ANK2: variants seen among roughly 807,000 people sequenced by gnomAD.
ANK2 encodes ankyrin 2.
In ANK2, 83 loss-of-function variants were observed where a neutral mutation model predicts 360.5. The ratio of observed to expected loss-of-function variants is 0.23; its 90% CI spans 0.19 to 0.28. The LOEUF is 0.28. Ranked by LOEUF, ANK2 falls within the 10% of genes least tolerant of loss-of-function variation. The probability of loss-of-function intolerance (pLI) is 1.00; values close to 1 mark genes in which losing one functional copy is unlikely to be tolerated. For missense variants in ANK2, 4,201 were observed against 4,795.7 expected, an observed-to-expected ratio of 0.88 and a Z score of 3.66; for synonymous variants, 1,740 against 1,759.5, an observed-to-expected ratio of 0.99 and a Z score of 0.28.
intron 1 of ANK2, among the ~76,000 whole-genome samples, chr4:113,165,584 T>C (rs889275076): frequency 2.0e-5 from 3 of 152,184 alleles, no homozygotes; most frequent in Admixed American, 6.5e-5. Context: ...GGAATTCAAC[T>C]ATGATGTTTT....
the ANK2 span, among the ~76,000 whole-genome samples, chr4:112,770,678 C>A: frequency 1.3e-5 from 2 of 149,702 alleles, no homozygotes; most frequent in Non-Finnish European, 2.9e-5. Context: ...TGTACTCCAG[C>A]CTGGGTGACA....
intron 14 of ANK2, among the ~76,000 whole-genome samples, chr4:113,265,219 G>C (rs887443210): frequency 6.6e-5 from 10 of 152,070 alleles, no homozygotes; most frequent in African/African-American, 2.2e-4. Context: ...TTGAAAAAAT[G>C]TAAAACTTAT....
chr4:113,234,422 C>CT (rs954687761), intron 5 of ANK2, among the ~76,000 whole-genome samples: 14 of 152,128 alleles, frequency 9.2e-5, no homozygotes, highest in Non-Finnish European at 1.9e-4. Context: ...ATTAAAATTA[C>CT]TTTTTTCCGA....
chr4:113,094,976 G>A (rs2090364478), intron 1 of ANK2, among the ~76,000 whole-genome samples: 1 of 152,186 alleles, frequency 6.6e-6, no homozygotes, highest in Non-Finnish European at 1.5e-5. Flanking sequence ...TTGAAGAATA[G>A]CATCACTGGG....
In ANK2 at chr4:113,052,418, A is replaced by G. The variant is rs548091704; in HGVS notation, c.84+2606A>G. Among the ~76,000 whole-genome samples the G allele has an allele frequency of 3.2e-4, 49 of 152,252 alleles. 1 individual carries two copies. The South Asian group carries it at 9.8e-3, about 30-fold the overall frequency. ...GGGTGTGGATCTATCCTACTGAATC[A>G]TATTCCTTGAAATCATGCGTCTATC... On this transcript the variant is annotated intron_variant, in intron 1 of 45. Transcript: ENST00000357077.
In ANK2 at chr4:113,200,691, G is replaced by A. The variant is rs577413283; in HGVS notation, c.384+1582G>A. 1.7e-4 allele frequency among the ~76,000 whole-genome samples: 26 copies of A among 152,280 alleles called. No individual in the cohort carries two copies. In the South Asian group the frequency reaches 5.4e-3, roughly 32 times the overall value. ...TTTTATAGCTGCCTAGCATTCCATG[G>A]TGTATATGTACCACATTTTCTTTAT... On this transcript the variant is annotated intron_variant, in intron 4 of 45. Coordinates refer to ENST00000357077, the MANE Select transcript of ANK2 (RefSeq NM_001148.6).
intron 1 of ANK2, among the ~76,000 whole-genome samples, chr4:112,881,468 G>A (rs1230183004): frequency 1.3e-5 from 2 of 152,172 alleles, no homozygotes; most frequent in Non-Finnish European, 2.9e-5. Context: ...ATTGTATACT[G>A]TTGTTTAGCT....
the ANK2 span, among the ~76,000 whole-genome samples, chr4:112,776,919 C>T: frequency 6.6e-6 from 1 of 152,164 alleles, no homozygotes; most frequent in African/African-American, 2.4e-5. Flanking sequence ...ACAACCCTCT[C>T]TATTAACTGA....
intron 2 of ANK2, among the ~76,000 whole-genome samples, chr4:112,995,255 G>A (rs2048152158): frequency 6.6e-6 from 1 of 152,084 alleles, no homozygotes; most frequent in Non-Finnish European, 1.5e-5. Flanking sequence ...CCTTTTCTCT[G>A]TAGTCTTGCC....
At chr4:113,113,419 T>C (rs1232349335) in intron 1 of ANK2, among the ~76,000 whole-genome samples, 1 of 152,150 alleles carries the variant, frequency 6.6e-6, no homozygotes, top group Non-Finnish European at 1.5e-5. Flanking sequence ...CTGCAGAGGA[T>C]TTTCTTTGGA....
chr4:113,277,517 G>A (rs201305027), intron 15 of ANK2, among the ~76,000 whole-genome samples: 1 of 142,212 alleles, frequency 7.0e-6, no homozygotes, highest in Non-Finnish European at 1.5e-5. Context: ...GGCAAGAAAA[G>A]GCTTTTTTTC....
intron 1 of ANK2, among the ~76,000 whole-genome samples, chr4:113,061,967 A>G (rs1007549384): frequency 6.6e-6 from 1 of 152,130 alleles, no homozygotes; most frequent in Non-Finnish European, 1.5e-5. Flanking sequence ...TATGTAACCC[A>G]TAAACATATA....
rs2097190260 is a variant in ANK2, at chr4:113,382,635, T to TTTCTTTCTTTCTTTTTTTTC, written c.*1168_*1187dup. ...TATGTTGGAGTGGTTTCTTTTTTTTTTTCTTTCTTTCTTTTTTTTCTTCAG... is the reference window on the plus strand; with the variant it reads ...TATGTTGGAGTGGTTTCTTTTTTTTTTTCTTTCTTTCTTTTTTTTCTTCTTTCTTTCTTTTTTTTCTTCAG... On this transcript the variant is annotated 3_prime_UTR_variant, in exon 46 of 46. Transcript: ENST00000357077. 1 of 152,504 alleles carries TTTCTTTCTTTCTTTTTTTTC rather than the reference T, an allele frequency of 6.6e-6. No homozygotes were observed. The highest frequency in any genetic ancestry group is 1.5e-5 in the Non-Finnish European group (1 of 67,986). The allele number at this position is 152,504 out of a possible 1,614,324, so 9.4% of individuals were successfully genotyped here.
chr4:112,932,425 G>A (rs2093337288), intron 2 of ANK2, among the ~76,000 whole-genome samples: 1 of 150,696 alleles, frequency 6.6e-6, no homozygotes, highest in Admixed American at 6.6e-5. Flanking sequence ...CCGGGAGGTG[G>A]AGCTTGCAGT....
intron 21 of ANK2, 195 bp from the exon 22 acceptor site, chr4:113,293,245 A>G (rs571466304): frequency 1.4e-6 from 1 of 693,352 alleles, no homozygotes; most frequent in Non-Finnish European, 2.6e-6. Context: ...TTGTGTTACC[A>G]TGGTGACCTG....
chr4:113,320,468 A>G (rs2085473316), intron 26 of ANK2, among the ~76,000 whole-genome samples: 1 of 152,150 alleles, frequency 6.6e-6, no homozygotes, highest in African/African-American at 2.4e-5. Flanking sequence ...CCTGAACAAC[A>G]TGGTGAAACC....
At chr4:113,220,375 T>C (rs2153485143) in intron 4 of ANK2, among the ~76,000 whole-genome samples, 1 of 152,340 alleles carries the variant, frequency 6.6e-6, no homozygotes, top group South Asian at 2.1e-4. Flanking sequence ...ACATAGGTAC[T>C]CTAATGAAAA....
chr4:113,212,989 A>G (rs560366452), intron 4 of ANK2, among the ~76,000 whole-genome samples: 1 of 152,344 alleles, frequency 6.6e-6, no homozygotes, highest in Non-Finnish European at 1.5e-5. Flanking sequence ...CACAATGCCT[A>G]AAGACCCTTA....
At chr4:113,302,722 T>G (rs1247188271) in intron 22 of ANK2, 45 bp from the exon 23 acceptor site, 1 of 1,490,844 alleles carries the variant, frequency 6.7e-7, no homozygotes, top group Non-Finnish European at 9.4e-7. Flanking sequence ...ATCTTTTGTT[T>G]ACTTTTGGTT....
Sources: gnomAD v4.1 joint callset for allele counts (sites outside exome capture counted in the v4.1 genomes callset) on GRCh38, gnomAD v4.1.1 for gene constraint, MANE v1.5 for transcripts, NCBI Gene and HGNC (gene_info 2026-07-23, HGNC 2026-07-21) for gene names.